Variants in SEMA4D observed in about 807,000 individuals in gnomAD.
SEMA4D encodes semaphorin-4D.
Under a neutral mutation model 74.8 loss-of-function variants are expected in SEMA4D, and 22 were observed. The ratio of observed to expected loss-of-function variants is 0.29; its 90% CI spans 0.21 to 0.42. The LOEUF (loss-of-function observed/expected upper bound fraction) is 0.42, where lower values mean the gene tolerates loss of function less well. Ranked by LOEUF, SEMA4D falls within the 10% of genes least tolerant of loss-of-function variation. The probability of loss-of-function intolerance (pLI) is 1.00; values close to 1 mark genes in which losing one functional copy is unlikely to be tolerated. For synonymous variants in SEMA4D, 445 were observed against 463.7 expected (o/e 0.96, Z 0.52); for missense variants, 937 against 1,118.4 (o/e 0.84, Z 2.31).
At position 89,402,958 on chromosome 9, in the gene SEMA4D, C is replaced by T. The variant is rs144305641; in HGVS notation, c.165G>A (p.Leu55=). ...TGTACAAGGTGTCCTTGTCCTCGCT[C>T]AGCAGCAAGGCTGAGTAGTTGTAGA... is the stretch of plus-strand genomic sequence containing the variant. ...PDIYNYSALL[L]SEDKDTLYIG... Residue 55 remains leucine, a synonymous_variant, in exon 4 of 16, where the codon CTG becomes CTA. Transcript: ENST00000422704. 20 of 1,614,036 alleles carry T rather than the reference C, an allele frequency of 1.2e-5. No individual in the cohort carries two copies. The East Asian group carries it at 1.3e-4, about 11-fold the overall frequency.
chr9:89,364,451 A>G (rs575539463), intron 16 of SEMA4D: 26 of 214,240 alleles, frequency 1.2e-4, no homozygotes, highest in Admixed American at 5.1e-4. Flanking sequence ...TGTCTCTCCA[A>G]TTGAGACACT....
chr9:89,372,970 G>C (rs1485065879), downstream of SEMA4D, among the ~76,000 whole-genome samples: 1 of 152,060 alleles, frequency 6.6e-6, no homozygotes, highest in African/African-American at 2.4e-5. Context: ...AACTGTGGTG[G>C]AGAAGGGATG....
intron 1 of SEMA4D, among the ~76,000 whole-genome samples, chr9:89,493,021 T>C: frequency 6.6e-6 from 1 of 152,190 alleles, no homozygotes; most frequent in Middle Eastern, 3.2e-3. Flanking sequence ...CTTGACCATA[T>C]TCCCCGGCAC....
chr9:89,417,777 A>ACC (rs1564702390), intron 2 of SEMA4D, among the ~76,000 whole-genome samples: 1 of 152,170 alleles, frequency 6.6e-6, no homozygotes, highest in Non-Finnish European at 1.5e-5. Context: ...CAATCCCAAG[A>ACC]CCCAGTGGGA....
chr9:89,395,495 C>T (rs1306012874), intron 6 of SEMA4D, among the ~76,000 whole-genome samples: 1 of 151,878 alleles, frequency 6.6e-6, no homozygotes, highest in Non-Finnish European at 1.5e-5. Flanking sequence ...CTAACCTCAA[C>T]AGCTAACCTA....
chr9:89,432,315 G>A (rs1849453276), intron 2 of SEMA4D, among the ~76,000 whole-genome samples: 1 of 152,234 alleles, frequency 6.6e-6, no homozygotes, highest in Non-Finnish European at 1.5e-5. Context: ...TAGTGGAACT[G>A]TAACCCTGAC....
chr9:89,493,222 C>A (rs1400603262), intron 1 of SEMA4D, among the ~76,000 whole-genome samples: 1 of 152,232 alleles, frequency 6.6e-6, no homozygotes, highest in Non-Finnish European at 1.5e-5. Context: ...TGGCTCAGCT[C>A]CTTGTGGGCC....
intron 1 of SEMA4D, among the ~76,000 whole-genome samples, chr9:89,475,162 T>A (rs1861456812): frequency 1.3e-5 from 2 of 152,170 alleles, no homozygotes; most frequent in Admixed American, 6.5e-5. Context: ...CTGGAGGCCA[T>A]CCTGGGCTGC....
intron 1 of SEMA4D, among the ~76,000 whole-genome samples, chr9:89,471,873 T>C (rs1489843187): frequency 3.2e-3 from 181 of 56,006 alleles, no homozygotes; most frequent in Middle Eastern, 0.021. Context: ...TGCATATAGG[T>C]TGAGGTGCAA....
Position 89,381,515 on chromosome 9 carries a change from C to G in SEMA4D, c.1447-169G>C. The G allele has an allele frequency of 1.7e-6, 1 of 595,870 alleles. No homozygotes were observed. Among genetic ancestry groups the G allele is most frequent in the Middle Eastern group, 4.6e-4 (1 of 2,154 alleles). 36.9% of individuals were successfully genotyped at this position (595,870 alleles called of 1,614,324 possible). A position where few individuals can be genotyped will look rare whatever the true frequency, so the allele number is the denominator to read the frequency against. ...AGAGGCAAACAAGGCAGGTCTGTGA[C>G]CTTCCTGCAGAATCCACGTGCTATG... On this transcript the variant is annotated intron_variant, in intron 13 of 15. Coordinates refer to ENST00000422704, the MANE Select transcript of SEMA4D (RefSeq NM_001371194.2). This position sits in a 1 kb window ranked among gnomAD's most constrained non-coding sequence, Gnocchi z 4.6.
At chr9:89,430,319 C>T (rs977689194) in intron 2 of SEMA4D, among the ~76,000 whole-genome samples, 1 of 152,186 alleles carries the variant, frequency 6.6e-6, no homozygotes, top group Non-Finnish European at 1.5e-5. Context: ...CACATACACA[C>T]TGTGTCAAGG....
intron 15 of SEMA4D, 123 bp downstream of exon 15, chr9:89,380,932 C>T: frequency 8.5e-7 from 1 of 1,176,156 alleles, no homozygotes; most frequent in East Asian, 2.5e-5. Flanking sequence ...GAACACTTGA[C>T]CTCTGTTCCG....
intron 16 of SEMA4D, chr9:89,364,293 T>C (rs1019089513): frequency 7.9e-6 from 3 of 381,408 alleles, no homozygotes; most frequent in Non-Finnish European, 1.5e-5. Flanking sequence ...CACCCCACCA[T>C]GGCCCTGCTG....
intron 1 of SEMA4D, among the ~76,000 whole-genome samples, chr9:89,468,203 G>A (rs1404687408): frequency 1.3e-5 from 2 of 152,180 alleles, no homozygotes; most frequent in Admixed American, 6.5e-5. Flanking sequence ...CACATTTGCA[G>A]AAATCTATTT....
chr9:89,415,093 G>A (rs1228347938), intron 2 of SEMA4D, among the ~76,000 whole-genome samples: 1 of 152,210 alleles, frequency 6.6e-6, no homozygotes, highest in African/African-American at 2.4e-5. Flanking sequence ...CTAAGCAGCA[G>A]CCAGCATGGT....
chr9:89,450,035 T>G (rs1209577780), intron 2 of SEMA4D: 1 of 1,417,650 alleles, frequency 7.1e-7, no homozygotes, highest in Non-Finnish European at 9.9e-7. Context: ...TGGTCACACC[T>G]GGAAATCAGA....
At chr9:89,429,215 C>T (rs1228106168) in intron 2 of SEMA4D, among the ~76,000 whole-genome samples, 2 of 152,240 alleles carry the variant, frequency 1.3e-5, no homozygotes, top group African/African-American at 4.8e-5. Context: ...AGACCCACCA[C>T]CAGGAGTTGT....
intron 1 of SEMA4D, among the ~76,000 whole-genome samples, chr9:89,491,367 C>T (rs1461286184): frequency 1.3e-5 from 2 of 152,242 alleles, no homozygotes; most frequent in Non-Finnish European, 1.5e-5. Context: ...CTCAGGAGAT[C>T]GAGACCATCC....
intron 17 of SEMA4D, chr9:89,363,599 C>T: frequency 6.2e-7 from 1 of 1,601,598 alleles, no homozygotes; most frequent in Non-Finnish European, 8.5e-7. Flanking sequence ...CCACTGGCCA[C>T]CTTTCTCAAT....
Sources: gnomAD v4.1 joint callset for allele counts (sites outside exome capture counted in the v4.1 genomes callset) on GRCh38, gnomAD v4.1.1 for gene constraint, Gnocchi (gnomAD v3.1) non-coding constraint, MANE v1.5 for transcripts, NCBI Gene and HGNC (gene_info 2026-07-23, HGNC 2026-07-21) for gene names.